CDH13: variants seen among roughly 807,000 people sequenced by gnomAD.
The protein encoded by CDH13 is cadherin 13.
Under a neutral mutation model 63.8 loss-of-function variants are expected in CDH13, and 24 were observed. The ratio of observed to expected loss-of-function variants is 0.38; its 90% confidence interval spans 0.27 to 0.53. The LOEUF is 0.53. Among genes scored for constraint, CDH13 ranks in the 20% least tolerant of loss-of-function variants. The pLI is 0.85. For missense variants in CDH13, 1,049 were observed against 903.1 expected (o/e 1.16, Z -2.07); for synonymous variants, 503 against 355.3 (o/e 1.42, Z -4.67).
In CDH13 at chr16:82,716,553, C is replaced by G. The variant is rs76570758; in HGVS notation, c.45+89416C>G. 9.5e-3 allele frequency among the ~76,000 whole-genome samples: 1,413 copies of G among 149,364 alleles called. 25 individuals carry two copies. The highest frequency in any genetic ancestry group is 0.034 in the African/African-American group (1,354 of 40,280). On this transcript the variant is annotated intron_variant, in intron 1 of 13. Transcript: ENST00000567109. ...AGTGGAGGAATCGGGGTTATTTATC[C>G]TGGAAAAGAGAAGGCTGAGGAGGGA... is the stretch of plus-strand genomic sequence containing the variant.
intron 3 of CDH13, among the ~76,000 whole-genome samples, chr16:83,059,718 G>A (rs898836989): frequency 6.6e-6 from 1 of 151,270 alleles, no homozygotes; most frequent in East Asian, 1.9e-4. Flanking sequence ...TAAAGACAGG[G>A]TGCTTATCCC....
Position 83,032,073 on chromosome 16 carries a change from A to G in CDH13, c.221A>G (p.Lys74Arg), listed in dbSNP as rs375003818. ...TATGAGGTCTCGAGCCCATACTTCA[A>G]GGTGAACAGCGATGGCGGCTTAGTT... ...LRYEVSSPYF[K>R]VNSDGGLVAL... The change falls in exon 3 of 14, where the codon AAG becomes AGG. Residue 74 changes from lysine (K) to arginine (R), a missense_variant. Lys to Arg is a conservative substitution (Grantham distance 26, BLOSUM62 2). Coordinates refer to ENST00000567109, the MANE Select transcript of CDH13 (RefSeq NM_001257.5). 47 of 1,611,786 alleles carry G rather than the reference A, an allele frequency of 2.9e-5. No individual in the cohort carries two copies. Among genetic ancestry groups the G allele is most frequent in the Non-Finnish European group, 3.8e-5 (45 of 1,179,142 alleles).
At chr16:83,050,911 A>G (rs2030250842) in intron 3 of CDH13, among the ~76,000 whole-genome samples, 1 of 151,542 alleles carries the variant, frequency 6.6e-6, no homozygotes, top group South Asian at 2.1e-4. Flanking sequence ...TTAGTTCCTC[A>G]CCACCTGGGA....
chr16:82,728,239 T>C (rs995509375), intron 1 of CDH13, among the ~76,000 whole-genome samples: 7 of 152,168 alleles, frequency 4.6e-5, no homozygotes, highest in African/African-American at 1.2e-4. Context: ...GATGCAATCC[T>C]TCAATGGCAC....
intron 10 of CDH13, among the ~76,000 whole-genome samples, chr16:83,687,803 C>T (rs1904460248): frequency 6.6e-6 from 1 of 152,184 alleles, no homozygotes; most frequent in Admixed American, 6.5e-5. Flanking sequence ...ATTGAAGAGC[C>T]ATTGCCGTCA....
intron 4 of CDH13, among the ~76,000 whole-genome samples, chr16:83,213,943 G>A (rs1347947325): frequency 1.3e-5 from 2 of 152,036 alleles, no homozygotes; most frequent in Non-Finnish European, 2.9e-5. Flanking sequence ...GCACTCTGTG[G>A]CTCGCTAGAG....
intron 7 of CDH13, among the ~76,000 whole-genome samples, chr16:83,579,368 C>A (rs1905332672): frequency 6.6e-6 from 1 of 152,146 alleles, no homozygotes. Context: ...GCTCACAGTT[C>A]CACAGGCTGT....
chr16:83,159,129 A>G (rs1210169758), intron 4 of CDH13, among the ~76,000 whole-genome samples: 2 of 151,990 alleles, frequency 1.3e-5, no homozygotes, highest in Non-Finnish European at 2.9e-5. Context: ...TGTCTCGGTA[A>G]AAGTTCCCAT....
At chr16:83,117,087 C>T (rs1232116327) in intron 3 of CDH13, among the ~76,000 whole-genome samples, 2 of 152,216 alleles carry the variant, frequency 1.3e-5, no homozygotes, top group Non-Finnish European at 2.9e-5. Flanking sequence ...AATTTATTTA[C>T]TTTTATCCCT....
intron 5 of CDH13, among the ~76,000 whole-genome samples, chr16:83,338,689 G>A (rs1000751400): frequency 6.6e-6 from 1 of 152,192 alleles, no homozygotes; most frequent in Non-Finnish European, 1.5e-5. Flanking sequence ...AGGATGAATA[G>A]CGGCAGCAAG....
Position 83,000,220 on chromosome 16 carries a change from C to CTTTTT in CDH13, c.158-31788_158-31787insTTTTT, listed in dbSNP as rs1567731430. Among the ~76,000 whole-genome samples, 54 of 33,966 alleles carry CTTTTT rather than the reference C, an allele frequency of 1.6e-3. 6 individuals are homozygous for CTTTTT. The highest frequency in any genetic ancestry group is 3.7e-3 in the African/African-American group (36 of 9,672). 22.3% of individuals were successfully genotyped at this position (33,966 alleles called of 152,430 possible). On this transcript the variant is annotated intron_variant, in intron 2 of 13. Transcript: ENST00000567109. ...TCCCTAGGAATATCCACAGGTTTAG[C>CTTTTT]TTATTTTTTTTTTTTTTTTTTTTTT...
chr16:83,612,984 C>G (rs572499799), intron 8 of CDH13, among the ~76,000 whole-genome samples: 1 of 152,162 alleles, frequency 6.6e-6, no homozygotes, highest in Admixed American at 6.5e-5. Flanking sequence ...TACTGCAAGT[C>G]TGCTGGTAAT....
chr16:83,142,916 C>T (rs187923556), intron 4 of CDH13, among the ~76,000 whole-genome samples: 1 of 152,236 alleles, frequency 6.6e-6, no homozygotes, highest in East Asian at 1.9e-4. Context: ...CCAGCCTGAC[C>T]CACATGAAGA....
chr16:83,238,367 CAT>C (rs2151811687), intron 5 of CDH13, among the ~76,000 whole-genome samples: 1 of 152,258 alleles, frequency 6.6e-6, no homozygotes, highest in East Asian at 1.9e-4. Flanking sequence ...TTTATAAAAC[CAT>C]CAGATCTTCT....
chr16:83,024,568 G>A (rs892567855), intron 2 of CDH13, among the ~76,000 whole-genome samples: 5 of 152,008 alleles, frequency 3.3e-5, no homozygotes, highest in Admixed American at 6.6e-5. Flanking sequence ...TCGTGGCCTC[G>A]GATAACTCAT....
intron 3 of CDH13, among the ~76,000 whole-genome samples, chr16:83,080,819 A>G (rs1026890756): frequency 2.2e-5 from 3 of 134,968 alleles, no homozygotes; most frequent in Non-Finnish European, 3.1e-5. Context: ...GTTATTTTTT[A>G]GTCCTTATTA....
intron 2 of CDH13, among the ~76,000 whole-genome samples, chr16:82,949,642 G>C (rs1263104374): frequency 6.6e-6 from 1 of 151,966 alleles, no homozygotes; most frequent in Non-Finnish European, 1.5e-5. Flanking sequence ...GAGCTTCTTT[G>C]TTTTCTGCCA....
intron 4 of CDH13, among the ~76,000 whole-genome samples, chr16:83,140,732 G>T (rs186591643): frequency 6.6e-6 from 1 of 152,234 alleles, no homozygotes. Context: ...TGGGATTACA[G>T]GTGCGAGCCG....
chr16:83,671,533 G>A (rs1849912164), intron 9 of CDH13, among the ~76,000 whole-genome samples: 1 of 152,178 alleles, frequency 6.6e-6, no homozygotes, highest in Non-Finnish European at 1.5e-5. Context: ...ACAAGTGTGA[G>A]CCACCATGCC....
Sources: gnomAD v4.1 joint callset for allele counts (sites outside exome capture counted in the v4.1 genomes callset) on GRCh38, gnomAD v4.1.1 for gene constraint, MANE v1.5 for transcripts, NCBI Gene and HGNC (gene_info 2026-07-23, HGNC 2026-07-21) for gene names.